HIBCH: variants seen among roughly 807,000 people sequenced by gnomAD.
The protein encoded by HIBCH is 3-hydroxyisobutyryl-CoA hydrolase, also known as 3-hydroxyisobutyryl-CoA hydrolase, mitochondrial.
HIBCH carries 50 observed loss-of-function variants against 58.2 expected under a neutral mutation model. The observed-to-expected ratio is 0.86, with a 90% CI of 0.68 to 1.09. The LOEUF (loss-of-function observed/expected upper bound fraction) is 1.09, where lower values mean the gene tolerates loss of function less well. Among genes scored for constraint, HIBCH ranks in the 50% least tolerant of loss-of-function variants. HIBCH has a pLI of 0.00. For synonymous variants in HIBCH, 151 were observed against 146.9 expected (o/e 1.03, Z -0.20); for missense variants, 450 against 449.7 (o/e 1.00, Z -0.01).
At chr2:190,239,631 T>C (rs898965198) in intron 11 of HIBCH, among the ~76,000 whole-genome samples, 10 of 150,782 alleles carry the variant, frequency 6.6e-5, no homozygotes, top group African/African-American at 2.4e-4. Context: ...CTTACTTCCT[T>C]GAGCAGTGGT....
intron 1 of HIBCH, among the ~76,000 whole-genome samples, chr2:190,314,383 ATATATATG>A (rs1688658065): frequency 4.5e-5 from 4 of 89,244 alleles, no homozygotes; most frequent in Admixed American, 9.2e-5. Flanking sequence ...ATATATGTGT[ATATATATG>A]TATATATATA....
rs1686709264 is a variant in HIBCH at position 190,249,717 on chromosome 2, AC to A, written c.672del (p.Met224IlefsTer2). 1.2e-6 allele frequency: 2 copies of A among 1,601,296 alleles called. No individual in the cohort carries two copies. The highest frequency in any genetic ancestry group is 1.7e-6 in the Non-Finnish European group (2 of 1,168,738). On this transcript the variant is annotated frameshift_variant, in exon 9 of 14. Coordinates refer to ENST00000359678, the MANE Select transcript of HIBCH (RefSeq NM_014362.4). LOFTEE classifies it high-confidence loss of function. ...THFVDSEKLA[M>X]LEEDLLALKS... ...TTCAAGGCTAACAAATCTTCCTCTA[AC>A]ATGGCCAACTAAAGGGGAGGCAGAA...
intron 12 of HIBCH, among the ~76,000 whole-genome samples, chr2:190,212,284 A>G (rs1690531006): frequency 6.8e-6 from 1 of 147,622 alleles, no homozygotes; most frequent in African/African-American, 2.7e-5. Flanking sequence ...TAACTATTAC[A>G]TTAAAGTCAT....
At chr2:190,312,972 G>A (rs1688597963) in intron 1 of HIBCH, among the ~76,000 whole-genome samples, 3 of 152,314 alleles carry the variant, frequency 2.0e-5, no homozygotes, top group African/African-American at 7.2e-5. Context: ...GGTGGTGGGC[G>A]CCTGTAATCC....
intron 6 of HIBCH, among the ~76,000 whole-genome samples, chr2:190,277,065 T>G (rs1046625380): frequency 6.6e-6 from 1 of 152,182 alleles, no homozygotes; most frequent in Non-Finnish European, 1.5e-5. Context: ...CAACCCCAGA[T>G]GTTTTATATA....
intron 6 of HIBCH, among the ~76,000 whole-genome samples, chr2:190,270,427 C>CAGTTGAT (rs2105963435): frequency 6.6e-6 from 1 of 152,128 alleles, no homozygotes; most frequent in African/African-American, 2.4e-5. Flanking sequence ...CCAAAGTAAA[C>CAGTTGAT]AGTTGATAAC....
intron 6 of HIBCH, among the ~76,000 whole-genome samples, chr2:190,271,282 CTTTTTTTT>C (rs35074167): frequency 5.3e-4 from 44 of 83,782 alleles, no homozygotes; most frequent in Admixed American, 2.9e-3. Flanking sequence ...CTCTACCCTA[CTTTTTTTT>C]TTTTTTTTTT....
chr2:190,261,564 T>C (rs1687089216), intron 6 of HIBCH, among the ~76,000 whole-genome samples: 1 of 151,956 alleles, frequency 6.6e-6, no homozygotes, highest in Non-Finnish European at 1.5e-5. Context: ...GTATTTCTTA[T>C]ATATGAACAA....
rs955580529 is a variant in HIBCH, at chr2:190,314,359, G to A, written c.36-3563C>T. ...TATACATATATATGTGTATATATAC[G>A]TATATATATACGTATATATGTGTAT... On this transcript the variant is annotated intron_variant, in intron 1 of 13. Transcript: ENST00000359678. Among the ~76,000 whole-genome samples, 193 of 133,876 alleles carry A rather than the reference G, an allele frequency of 1.4e-3. 5 individuals are homozygous for A. The highest frequency in any genetic ancestry group is 5.1e-3 in the African/African-American group (175 of 34,344). 87.8% of individuals were successfully genotyped at this position (133,876 alleles called of 152,430 possible). A position where few individuals can be genotyped will look rare whatever the true frequency, so the allele number is the denominator to read the frequency against.
At chr2:190,196,187 T>C (rs1218628503) in intron 1 of HIBCH, among the ~76,000 whole-genome samples, 1 of 152,086 alleles carries the variant, frequency 6.6e-6, no homozygotes. Flanking sequence ...GGGTTAAACG[T>C]ATCTAATTCC....
chr2:190,209,198 C>G lies in HIBCH; in HGVS notation c.1012-285G>C, dbSNP rs7562807. Among the ~76,000 whole-genome samples the G allele has an allele frequency of 0.27, 41,340 of 152,088 alleles. 6,076 individuals carry two copies. The highest frequency in any genetic ancestry group is 0.45 in the East Asian group (2,340 of 5,164). ...GCTTCACTTTGCTCTTCATCCAGCC[C>G]AATTTCACCAGTCCTTTAATATGGT... On this transcript the variant is annotated intron_variant, in intron 12 of 13. Coordinates refer to ENST00000359678, the MANE Select transcript of HIBCH (RefSeq NM_014362.4). This position sits in a 1 kb window ranked among gnomAD's most constrained non-coding sequence, Gnocchi z 5.6.
downstream of HIBCH, chr2:190,199,929 G>A (rs1690168385): frequency 1.9e-6 from 3 of 1,614,122 alleles, no homozygotes; most frequent in African/African-American, 2.7e-5. Context: ...AGCAGCATGA[G>A]AGTGAAGAAC....
At position 190,217,755 on chromosome 2, in the gene HIBCH, A is replaced by T. The variant is rs6751588; in HGVS notation, c.892-4680T>A. 0.31 allele frequency among the ~76,000 whole-genome samples: 47,790 copies of T among 152,068 alleles called. 8,682 individuals are homozygous for T. The highest frequency in any genetic ancestry group is 0.48 in the African/African-American group (19,818 of 41,454). On this transcript the variant is annotated intron_variant, in intron 11 of 13. Coordinates refer to ENST00000359678, the MANE Select transcript of HIBCH (RefSeq NM_014362.4). This position sits in a 1 kb window ranked among gnomAD's most constrained non-coding sequence, Gnocchi z 4.6. ...TCCACCCAAGCTGGGAAAGTCCGTAACAAGTGCTCCTAATCACTAAAACAG... is the reference window on the plus strand; with the variant it reads ...TCCACCCAAGCTGGGAAAGTCCGTATCAAGTGCTCCTAATCACTAAAACAG...
At chr2:190,250,393 G>T (rs1434699324) in intron 8 of HIBCH, 1 of 469,562 alleles carries the variant, frequency 2.1e-6, no homozygotes, top group South Asian at 1.6e-5. Context: ...ACCTCTGCCA[G>T]ATGAGAGAGA....
intron 3 of HIBCH, among the ~76,000 whole-genome samples, 171 bp downstream of exon 3, chr2:190,296,642 T>C (rs562791797): frequency 6.6e-6 from 1 of 152,298 alleles, no homozygotes; most frequent in East Asian, 1.9e-4. Flanking sequence ...TCACCAGGGA[T>C]GCTCAAGAAT....
chr2:190,245,844 G>A (rs555940341), intron 10 of HIBCH, among the ~76,000 whole-genome samples: 2 of 152,180 alleles, frequency 1.3e-5, no homozygotes, highest in South Asian at 2.1e-4. Flanking sequence ...ACAAAAGTTC[G>A]ACAGGCATGG....
At position 190,261,221 on chromosome 2, in the gene HIBCH, G is replaced by A. The variant is rs1553501873; in HGVS notation, c.452C>T (p.Ser151Leu). 1 of 1,612,492 alleles carries A rather than the reference G, an allele frequency of 6.2e-7. No individual in the cohort carries two copies. Among genetic ancestry groups the A allele is most frequent in the Middle Eastern group, 1.7e-4 (1 of 6,048 alleles). Reference sequence around the variant, plus strand: ...AGCCACTCGAAATTGCCCATGGACTGAGAGACCAACTCCCTAGAGAAAAAA... The same window carrying A: ...AGCCACTCGAAATTGCCCATGGACTAAGAGACCAACTCCCTAGAGAAAAAA... ...GITMGGGVGLSVHGQFRVATE... is the reference protein window; with the variant it reads ...GITMGGGVGLLVHGQFRVATE... The change falls in exon 7 of 14, where the codon TCA becomes TTA. Residue 151 changes from serine to leucine, a missense_variant. By Grantham distance (145) the Ser-to-Leu change is moderately radical. Coordinates refer to ENST00000359678, the MANE Select transcript of HIBCH (RefSeq NM_014362.4).
At chr2:190,297,467 G>C (rs1688132517) in intron 2 of HIBCH, among the ~76,000 whole-genome samples, 2 of 152,206 alleles carry the variant, frequency 1.3e-5, no homozygotes, top group South Asian at 2.1e-4. Flanking sequence ...GAAATGTTAA[G>C]ATGTTAAAAC....
intron 4 of HIBCH, among the ~76,000 whole-genome samples, chr2:190,293,966 T>C (rs1027094564): frequency 2.0e-5 from 3 of 149,646 alleles, no homozygotes; most frequent in Non-Finnish European, 3.0e-5. Flanking sequence ...TATCTCAGCA[T>C]GTTTAAACAC....
Sources: gnomAD v4.1 joint callset for allele counts (sites outside exome capture counted in the v4.1 genomes callset) on GRCh38, gnomAD v4.1.1 for gene constraint, Gnocchi (gnomAD v3.1) non-coding constraint, MANE v1.5 for transcripts, NCBI Gene and HGNC (gene_info 2026-07-23, HGNC 2026-07-21) for gene names.